Variants in MDC1 observed in about 807,000 individuals in gnomAD.
The protein encoded by MDC1 is mediator of DNA damage checkpoint protein 1.
Under a neutral mutation model 142.5 loss-of-function variants are expected in MDC1, and 81 were observed. The ratio of observed to expected loss-of-function variants is 0.57; its 90% CI spans 0.47 to 0.68. MDC1 has a LOEUF of 0.68. Ranked by LOEUF, MDC1 falls within the 30% of genes least tolerant of loss-of-function variation. The pLI is 0.00. For missense variants in MDC1, 2,119 were observed against 2,547.9 expected (o/e 0.83, Z 3.62); for synonymous variants, 797 against 968.4 (o/e 0.82, Z 3.29).
chr6:30,713,482 C>T lies in MDC1; in HGVS notation c.588-128G>A. The T allele has an allele frequency of 7.8e-7, 1 of 1,284,008 alleles. No individual in the cohort carries two copies. The highest frequency in any genetic ancestry group is 1.5e-5 in the African/African-American group (1 of 66,840). The allele number at this position is 1,284,008 out of a possible 1,614,324, so 79.5% of individuals were successfully genotyped here. The stretch of plus-strand genomic sequence containing the variant: ...CTTCTTCTGTTTCCAATTTGTTTTC[C>T]ACTTGGCACATCAGATGTGCTCCAT... On this transcript the variant is annotated intron_variant, in intron 4 of 14. Transcript: ENST00000376406. This position sits in a 1 kb window ranked among gnomAD's most constrained non-coding sequence, Gnocchi z 4.9.
rs777994510 is a variant in MDC1, at chr6:30,706,034, T to TG, written c.3148dup (p.Gln1050ProfsTer5). The TG allele has an allele frequency of 1.9e-6, 3 of 1,598,096 alleles. No individual in the cohort carries two copies. The highest frequency in any genetic ancestry group is 1.7e-5 in the Admixed American group (1 of 59,424). ...CTGGCTCTGAGAGTTAAGGGGCTTT[T>TG]GGGGTGGGGCTGGGGCTTCAGGTAC... On this transcript the variant is annotated frameshift_variant, in exon 10 of 15. Coordinates refer to ENST00000376406, the MANE Select transcript of MDC1 (RefSeq NM_014641.3). LOFTEE classifies it high-confidence loss of function.
At chr6:30,702,975 C>A in intron 12 of MDC1, 98 bp from the exon 13 acceptor site, 1 of 1,591,560 alleles carries the variant, frequency 6.3e-7, no homozygotes, top group Non-Finnish European at 8.6e-7. Flanking sequence ...TCTTTTAAAT[C>A]AATGCAGGCT....
In MDC1 at chr6:30,709,195, G is replaced by A. The variant is rs960628787; in HGVS notation, c.2222-838C>T. Among the ~76,000 whole-genome samples the A allele has an allele frequency of 6.6e-6, 1 of 152,128 alleles. No individual in the cohort carries two copies. Among genetic ancestry groups the A allele is most frequent in the Admixed American group, 6.6e-5 (1 of 15,254 alleles). ...GACTACGGCATGTGCCAAAGTGCCC[G>A]GCTAATTTTTTGTATTTGTTGTAGA... On this transcript the variant is annotated intron_variant, in intron 7 of 14. Coordinates refer to ENST00000376406, the MANE Select transcript of MDC1 (RefSeq NM_014641.3). The surrounding 1 kb of genome is among the most constrained non-coding windows in gnomAD (Gnocchi z 4.2).
At chr6:30,702,408 T>C in intron 14 of MDC1, 145 bp downstream of exon 14, 1 of 580,194 alleles carries the variant, frequency 1.7e-6, no homozygotes, top group Non-Finnish European at 2.9e-6. Flanking sequence ...TATCCCTTTC[T>C]ATACCATAGG....
rs1194547666 is a variant in MDC1, at chr6:30,708,309, AG to A, written c.2269del (p.Leu757Ter). On this transcript the variant is annotated frameshift_variant, in exon 8 of 15. Coordinates refer to ENST00000376406, the MANE Select transcript of MDC1 (RefSeq NM_014641.3). LOFTEE classifies it high-confidence loss of function. Reference sequence around the variant, plus strand: ...GGTCTCAGAGTCCTCAGACTCTCTCAGACAGAATGGCTGTGTAGCCAGGACC... The same window carrying A: ...GGTCTCAGAGTCCTCAGACTCTCTCAACAGAATGGCTGTGTAGCCAGGACC... ...WEVLATQPFC[L>X]RESEDSETQP... is the part of the protein sequence containing the mutation. 4 of 1,612,716 alleles carry A rather than the reference AG, an allele frequency of 2.5e-6. No homozygotes were observed. The highest frequency in any genetic ancestry group is 3.4e-6 in the Non-Finnish European group (4 of 1,180,016).
chr6:30,711,476 G>A lies in MDC1; in HGVS notation c.2157C>T (p.Thr719=), dbSNP rs1230198484. 1 of 1,613,100 alleles carries A rather than the reference G, an allele frequency of 6.2e-7. No individual in the cohort carries two copies. Among genetic ancestry groups the A allele is most frequent in the Non-Finnish European group, 8.5e-7 (1 of 1,180,026 alleles). ...EAVQSMEDEP[T]QAFMLTPPQE... is the part of the protein sequence containing the mutation. ...GGGGTGGAGTCAACATGAAGGCCTG[G>A]GTAGGTTCATCCTCCATGCTCTGGA... Residue 719 remains threonine, a synonymous_variant, in exon 7 of 15, where the codon ACC becomes ACT. Transcript: ENST00000376406.
In MDC1 at chr6:30,708,190, T is replaced by C. The variant is rs749497350; in HGVS notation, c.2389A>G (p.Thr797Ala). Residue 797 changes from threonine (T) to alanine (A), a missense_variant, in exon 8 of 15, where the codon ACA (threonine) becomes GCA (alanine). Transcript: ENST00000376406. ...CTGCCTTGAATCCCCATTGGCTCTGTGTGAACTGGGCTCTCTGGATGTTGG... is the reference window on the plus strand; with the variant it reads ...CTGCCTTGAATCCCCATTGGCTCTGCGTGAACTGGGCTCTCTGGATGTTGG... Reference protein sequence around the residue: ...GDQHPESPVHTEPMGIQGRGR... With the variant: ...GDQHPESPVHAEPMGIQGRGR... 1 of 1,613,180 alleles carries C rather than the reference T, an allele frequency of 6.2e-7. No homozygotes were observed. The highest frequency in any genetic ancestry group is 1.1e-5 in the South Asian group (1 of 91,088).
At position 30,705,712 on chromosome 6, in the gene MDC1, G is replaced by C. The variant is rs9295905; in HGVS notation, c.3471C>G (p.Thr1157=). The C allele has an allele frequency of 0.023, 37,604 of 1,612,864 alleles. 1,191 individuals are homozygous for C. Among genetic ancestry groups the C allele is most frequent in the African/African-American group, 0.12 (8,858 of 74,684 alleles). The part of the protein sequence containing the change: ...RSRTNRSSVK[T]PEPVVPTAPE... ...GGGCTGTGGGGACAACTGGTTCAGG[G>C]GTCTTGACAGAGGACCTATTTGTCC... The change falls in exon 10 of 15, where the codon ACC becomes ACG. Residue 1157 remains threonine (T), a synonymous_variant. Coordinates refer to ENST00000376406, the MANE Select transcript of MDC1 (RefSeq NM_014641.3).
chr6:30,711,633 T>G, intron 6 of MDC1, 34 bp downstream of exon 6: 1 of 1,611,428 alleles, frequency 6.2e-7, no homozygotes, highest in South Asian at 1.1e-5. Flanking sequence ...CAGCTCCCAC[T>G]GGTACAGGAT....
In MDC1 at chr6:30,704,944, C is replaced by T. The variant is rs766872395; in HGVS notation, c.4239G>A (p.Lys1413=). ...GGTCTGTGGAAGTGGAAGGCTCGAG[C>T]TTAGGGGCTGTGGGGACAAGTGTTT... ...TPETLVPTAP[K]LEPSTSTDQP... The change falls in exon 10 of 15, where the codon AAG becomes AAA. Residue 1413 remains lysine, a synonymous_variant. Coordinates refer to ENST00000376406, the MANE Select transcript of MDC1 (RefSeq NM_014641.3). 3.7e-6 allele frequency: 6 copies of T among 1,605,070 alleles called. No homozygotes were observed. Among genetic ancestry groups the T allele is most frequent in the Non-Finnish European group, 5.1e-6 (6 of 1,176,146 alleles).
In MDC1 at chr6:30,700,575, G is replaced by C. The variant is rs538887974; in HGVS notation, c.6160C>G (p.Arg2054Gly). 1.6e-5 allele frequency: 26 copies of C among 1,612,974 alleles called. No individual in the cohort carries two copies. In the African/African-American group the frequency reaches 2.1e-4, roughly 13 times the overall value. Residue 2054 changes from arginine to glycine, a missense_variant, in exon 15 of 15, where the codon CGG becomes GGG. Coordinates refer to ENST00000376406, the MANE Select transcript of MDC1 (RefSeq NM_014641.3). ...QDFPHCSIPL[R>G]VGLPLLSPEF... The stretch of plus-strand genomic sequence containing the variant: ...GGCGAGAGGAGGGGCAGCCCAACCC[G>C]TAGTGGAATGGAGCAATGAGGGAAG...
At position 30,704,590 on chromosome 6, in the gene MDC1, C is replaced by A. The variant is rs777287778; in HGVS notation, c.4593G>T (p.Val1531=). The A allele has an allele frequency of 6.9e-7, 1 of 1,441,670 alleles. No homozygotes were observed. 89.3% of individuals were successfully genotyped at this position (1,441,670 alleles called of 1,614,324 possible). The stretch of plus-strand genomic sequence containing the variant: ...AAGGCTGGAGCTCAGGGGCTGCGGG[C>A]ACAACTGTTTCAGGGGTCTTGACAG... ...RSSVKTPETV[V]PAAPELQPST... The change falls in exon 10 of 15, where the codon GTG becomes GTT. Residue 1531 remains valine, a synonymous_variant. Coordinates refer to ENST00000376406, the MANE Select transcript of MDC1 (RefSeq NM_014641.3).
chr6:30,707,303 T>A (rs952417063), intron 9 of MDC1, 81 bp downstream of exon 9: 4 of 1,397,486 alleles, frequency 2.9e-6, no homozygotes, highest in Non-Finnish European at 4.1e-6. Flanking sequence ...AGGAATAGAT[T>A]AAAGTGAGGC....
rs1164316326 is a variant in MDC1 at position 30,712,718 on chromosome 6, T to G, written c.1224A>C (p.Glu408Asp). 3.1e-6 allele frequency: 5 copies of G among 1,612,974 alleles called. No individual in the cohort carries two copies. Among genetic ancestry groups the G allele is most frequent in the Non-Finnish European group, 4.2e-6 (5 of 1,180,048 alleles). ...CCAAAGTCAGCGCTGCTGAGACTTC[T>G]TCCTCGTCATCTGTATCGCTGTTGA... ...MVINSDTDDE[E>D]EVSAALTLAH... The change falls in exon 5 of 15, where the codon GAA (glutamate) becomes GAC (aspartate). Residue 408 changes from glutamate (E) to aspartate (D), a missense_variant. Glu to Asp is a conservative substitution (Grantham distance 45). Coordinates refer to ENST00000376406, the MANE Select transcript of MDC1 (RefSeq NM_014641.3). This position sits in a 1 kb window ranked among gnomAD's most constrained non-coding sequence, Gnocchi z 4.7.
chr6:30,708,859 A>C (rs1460268444), intron 7 of MDC1, among the ~76,000 whole-genome samples: 2 of 146,930 alleles, frequency 1.4e-5, no homozygotes, highest in Non-Finnish European at 3.0e-5. Context: ...CTGTCTCAAA[A>C]AAAAAAAAAA....
Position 30,705,875 on chromosome 6 carries a change from G to C in MDC1, c.3308C>G (p.Pro1103Arg). The change falls in exon 10 of 15, where the codon CCA becomes CGA. Residue 1103 changes from proline to arginine, a missense_variant. By Grantham distance (103) the Pro-to-Arg change is moderately radical. Transcript: ENST00000376406. ...CTTCCGAGTTCTAATTTTAGGCTTT[G>C]GGTGGAAAGGCTCCAGCTCTGAGGA... ...PLSSELEPFHPKPKIRTRKSS... is the reference protein window; with the variant it reads ...PLSSELEPFHRKPKIRTRKSS... The C allele has an allele frequency of 6.2e-7, 1 of 1,610,996 alleles. No individual in the cohort carries two copies. The highest frequency in any genetic ancestry group is 8.5e-7 in the Non-Finnish European group (1 of 1,178,568).
Position 30,703,500 on chromosome 6 carries a change from T to G in MDC1, c.5600A>C (p.Asp1867Ala). 1.2e-6 allele frequency: 2 copies of G among 1,613,686 alleles called. No homozygotes were observed. The highest frequency in any genetic ancestry group is 1.7e-6 in the Non-Finnish European group (2 of 1,180,012). Residue 1867 changes from aspartate to alanine, a missense_variant, in exon 11 of 15, where the codon GAC becomes GCC. Transcript: ENST00000376406. This position sits in a 1 kb window ranked among gnomAD's most constrained non-coding sequence, Gnocchi z 4.4. ...VTPKPGKRKR[D>A]QAEEEPNRIP... is the part of the protein sequence containing the mutation. The stretch of plus-strand genomic sequence containing the variant: ...TCTGTTGGGCTCCTCCTCTGCCTGG[T>G]CTCTCTTTCTCTTGCCTGGTTTTGG...
Position 30,703,858 on chromosome 6 carries a change from A to C in MDC1, c.5325T>G (p.Ser1775=), listed in dbSNP as rs770875060. The C allele has an allele frequency of 1.7e-5, 27 of 1,613,606 alleles. No individual in the cohort carries two copies. The highest frequency in any genetic ancestry group is 2.1e-5 in the Non-Finnish European group (25 of 1,179,866). ...ESLTAIPEPA[S]PQLLETPIHA... Reference sequence around the variant, plus strand: ...GAATTGGTGTCTCAAGAAGCTGGGGAGAGGCAGGCTCAGGAATGGCTGTAA... The same window carrying C: ...GAATTGGTGTCTCAAGAAGCTGGGGCGAGGCAGGCTCAGGAATGGCTGTAA... The change falls in exon 10 of 15, where the codon TCT becomes TCG. Residue 1775 remains serine, a synonymous_variant. Coordinates refer to ENST00000376406, the MANE Select transcript of MDC1 (RefSeq NM_014641.3). This position sits in a 1 kb window ranked among gnomAD's most constrained non-coding sequence, Gnocchi z 4.4.
At position 30,713,730 on chromosome 6, in the gene MDC1, G is replaced by A; in HGVS notation, c.518-13C>T. The A allele has an allele frequency of 1.9e-6, 3 of 1,614,100 alleles. No individual in the cohort carries two copies. The highest frequency in any genetic ancestry group is 2.2e-5 in the South Asian group (2 of 91,074). The stretch of plus-strand genomic sequence containing the variant: ...TCAGAAAGAAAATCTGTCAAGAACA[G>A]AAAGGAATGAGTTGACAATTGTACA... On this transcript the variant is annotated splice_polypyrimidine_tract_variant and intron_variant, in intron 3 of 14. Coordinates refer to ENST00000376406, the MANE Select transcript of MDC1 (RefSeq NM_014641.3). The surrounding 1 kb of genome is among the most constrained non-coding windows in gnomAD (Gnocchi z 4.9).
Sources: allele counts gnomAD v4.1 joint callset (sites outside exome capture counted in the v4.1 genomes callset), GRCh38; gene constraint gnomAD v4.1.1; non-coding constraint Gnocchi (gnomAD v3.1); transcripts MANE v1.5; gene names NCBI Gene and HGNC (gene_info 2026-07-23, HGNC 2026-07-21).